The following SLC1A6 variants were observed in gnomAD, a reference collection of about 807,000 sequenced individuals.
SLC1A6 encodes excitatory amino acid transporter 4.
SLC1A6 carries 15 observed loss-of-function variants against 42.1 expected under a neutral mutation model. The observed-to-expected ratio is 0.36, with a 90% CI of 0.24 to 0.55. SLC1A6 has a LOEUF of 0.55. Ranked by LOEUF, SLC1A6 falls within the 20% of genes least tolerant of loss-of-function variation. The pLI is 0.88. For missense variants in SLC1A6, 542 were observed against 772.5 expected (o/e 0.70, Z 3.54); for synonymous variants, 317 against 319.7 (o/e 0.99, Z 0.09).
intron 1 of SLC1A6, among the ~76,000 whole-genome samples, chr19:14,988,481 A>G (rs1239875529): frequency 6.6e-6 from 1 of 152,266 alleles, no homozygotes; most frequent in African/African-American, 2.4e-5. Context: ...GGACTTGAAC[A>G]GACATTTCTT....
At chr19:14,981,165 C>T (rs572949985), upstream of SLC1A6, among the ~76,000 whole-genome samples, 287 of 151,968 alleles carry the variant, frequency 1.9e-3, 3 homozygotes, top group African/African-American at 6.7e-3. Context: ...GCTGGGCACA[C>T]ACCTGTAGTC....
At chr19:14,953,804 T>C (rs78141024) in intron 8 of SLC1A6, among the ~76,000 whole-genome samples, 4,036 of 152,234 alleles carry the variant, frequency 0.027, 182 homozygotes, top group East Asian at 0.22. Flanking sequence ...AATAAATAAA[T>C]GTATAGAGCC....
chr19:14,997,839 C>T, intron 1 of SLC1A6, among the ~76,000 whole-genome samples: 1 of 152,158 alleles, frequency 6.6e-6, no homozygotes, highest in East Asian at 1.9e-4. Context: ...TGTGCTCCTT[C>T]CAAAGCTCTG....
chr19:14,987,095 C>A (rs1350269676), intron 1 of SLC1A6, among the ~76,000 whole-genome samples: 5 of 152,130 alleles, frequency 3.3e-5, no homozygotes, highest in African/African-American at 4.8e-5. Flanking sequence ...CCTGAATGGT[C>A]TCAAGGCTGC....
intron 3 of SLC1A6, among the ~76,000 whole-genome samples, chr19:14,969,941 G>A (rs1398386723): frequency 6.6e-6 from 1 of 151,340 alleles, no homozygotes; most frequent in African/African-American, 2.4e-5. Flanking sequence ...AGTTTCTTCT[G>A]CCTGTGCCAC....
upstream of SLC1A6, among the ~76,000 whole-genome samples, chr19:14,984,835 C>T (rs2045785318): frequency 2.0e-5 from 3 of 152,278 alleles, no homozygotes; most frequent in South Asian, 2.1e-4. Context: ...TTCTCAGAGT[C>T]GTGAATACAA....
At chr19:14,989,118 TGGGA>T (rs964632119) in intron 1 of SLC1A6, among the ~76,000 whole-genome samples, 7 of 151,868 alleles carry the variant, frequency 4.6e-5, no homozygotes, top group Non-Finnish European at 2.9e-5. Flanking sequence ...CTCCAAAAGG[TGGGA>T]GGGTCGGGGG....
intron 6 of SLC1A6, among the ~76,000 whole-genome samples, chr19:14,960,647 A>T (rs1219176924): frequency 2.6e-5 from 4 of 152,216 alleles, no homozygotes; most frequent in African/African-American, 9.6e-5. Context: ...GGAGGACATT[A>T]TGCTAATTGA....
chr19:14,956,125 A>G (rs1023885892), intron 7 of SLC1A6, among the ~76,000 whole-genome samples: 3 of 152,046 alleles, frequency 2.0e-5, no homozygotes, highest in Admixed American at 6.6e-5. Flanking sequence ...AGAAGGAAGA[A>G]GCAGCAGCCA....
intron 3 of SLC1A6, among the ~76,000 whole-genome samples, chr19:14,968,973 G>T (rs2045606611): frequency 6.6e-6 from 1 of 152,042 alleles, no homozygotes. Flanking sequence ...CCGAGTGGCT[G>T]GGATTACAGG....
chr19:15,010,002 A>T (rs1209317630), intron 1 of SLC1A6, among the ~76,000 whole-genome samples: 1 of 123,830 alleles, frequency 8.1e-6, no homozygotes, highest in Non-Finnish European at 1.7e-5. Context: ...ACATGGCGAA[A>T]CCCCGTCTCT....
At chr19:15,010,379 T>C (rs1256122067) in intron 1 of SLC1A6, 4 of 385,804 alleles carry the variant, frequency 1.0e-5, no homozygotes, top group Non-Finnish European at 2.1e-5. Context: ...AGCTTCCAAG[T>C]GTGAAGGCGC....
intron 8 of SLC1A6, among the ~76,000 whole-genome samples, chr19:14,953,619 T>C (rs953716304): frequency 5.9e-5 from 9 of 152,024 alleles, no homozygotes; most frequent in African/African-American, 1.4e-4. Context: ...TCATACTATA[T>C]GGAGATAGTA....
chr19:14,981,659 G>A (rs1030077128), upstream of SLC1A6, among the ~76,000 whole-genome samples: 4 of 152,128 alleles, frequency 2.6e-5, no homozygotes, highest in African/African-American at 4.8e-5. Flanking sequence ...CAGAGCCCTC[G>A]GTCTGTCACG....
chr19:14,975,480 C>T (rs564422524), intron 1 of SLC1A6, among the ~76,000 whole-genome samples: 49 of 152,130 alleles, frequency 3.2e-4, no homozygotes, highest in Non-Finnish European at 6.6e-4. Context: ...ACGGCCAGGG[C>T]GCAGTGGCTC....
intron 1 of SLC1A6, among the ~76,000 whole-genome samples, chr19:15,000,619 A>G (rs1343446938): frequency 6.6e-6 from 1 of 152,218 alleles, no homozygotes; most frequent in Non-Finnish European, 1.5e-5. Context: ...GGATGGACTC[A>G]GGTTCATTCC....
At chr19:14,996,590 CA>C (rs1555710450) in intron 1 of SLC1A6, among the ~76,000 whole-genome samples, 6 of 48,182 alleles carry the variant, frequency 1.2e-4, no homozygotes, top group Admixed American at 4.6e-4. Context: ...TTCTTCCTCT[CA>C]TTGTACCTTA....
At chr19:14,988,154 T>C (rs1307980428) in intron 1 of SLC1A6, among the ~76,000 whole-genome samples, 1 of 152,194 alleles carries the variant, frequency 6.6e-6, no homozygotes, top group African/African-American at 2.4e-5. Context: ...TTCCCTATCT[T>C]AGTGCACCTG....
intron 8 of SLC1A6, 87 bp from the exon 9 acceptor site, chr19:14,953,149 G>A: frequency 2.0e-6 from 2 of 1,009,612 alleles, no homozygotes; most frequent in South Asian, 1.5e-5. Context: ...GAAGGGAAGA[G>A]ATCAGCTCCC....
Sources: allele counts gnomAD v4.1 joint callset (sites outside exome capture counted in the v4.1 genomes callset), GRCh38; gene constraint gnomAD v4.1.1; transcripts MANE v1.5; gene names NCBI Gene and HGNC (gene_info 2026-07-23, HGNC 2026-07-21).